The following TMBIM1 variants were observed in gnomAD, a reference collection of about 807,000 sequenced individuals.
TMBIM1 encodes transmembrane BAX inhibitor motif containing 1.
In TMBIM1, 34 loss-of-function variants were observed where a neutral mutation model predicts 45.1. The ratio of observed to expected loss-of-function variants is 0.75; its 90% confidence interval spans 0.57 to 1.00. The LOEUF (loss-of-function observed/expected upper bound fraction) is 1.00. Among genes scored for constraint, TMBIM1 ranks in the 50% least tolerant of loss-of-function variants. The pLI is 0.00. For synonymous variants in TMBIM1, 157 were observed against 153.5 expected (o/e 1.02, Z -0.17); for missense variants, 374 against 402.4 (o/e 0.93, Z 0.60).
In TMBIM1 at chr2:218,277,954, A is replaced by C; in HGVS notation, c.494T>G (p.Ile165Ser). 6.2e-7 allele frequency: 1 copy of C among 1,614,214 alleles called. No individual in the cohort carries two copies. Among genetic ancestry groups the C allele is most frequent in the South Asian group, 1.1e-5 (1 of 91,084 alleles). ...ACTTACAAAAAGGGTCAGCAGAATG[A>C]TGTTCCATGGGAAACGGCGTCTGAA... ...QGPRRRFPWNIILLTLFTFAM... is the reference protein window; with the variant it reads ...QGPRRRFPWNSILLTLFTFAM... Residue 165 changes from isoleucine (I) to serine (S), a missense_variant, in exon 7 of 12, where the codon ATC (isoleucine) becomes AGC (serine). Ile to Ser is a moderately radical substitution (Grantham distance 142, BLOSUM62 -2). Coordinates refer to ENST00000258412, the MANE Select transcript of TMBIM1 (RefSeq NM_022152.6).
At chr2:218,289,155 CGATA>C (rs975940802) in intron 1 of TMBIM1, among the ~76,000 whole-genome samples, 32 of 152,332 alleles carry the variant, frequency 2.1e-4, no homozygotes, top group Non-Finnish European at 3.5e-4. Flanking sequence ...AAGATCAAAA[CGATA>C]GATAGAAAGG....
intron 1 of TMBIM1, chr2:218,287,082 T>C (rs1225791834): frequency 6.6e-6 from 1 of 152,168 alleles, no homozygotes; most frequent in East Asian, 1.9e-4. Flanking sequence ...GGCCTGATTC[T>C]GCACCAAGGG....
chr2:218,282,187 A>G lies in TMBIM1; in HGVS notation c.-40-6T>C, dbSNP rs767210967. ...GGAACCCCAGCTGCTGGGACCTGAA[A>G]TGGGAGAGGAGAAAAGCAATCGTGA... On this transcript the variant is annotated splice_region_variant and splice_polypyrimidine_tract_variant and intron_variant, in intron 1 of 11. Transcript: ENST00000258412. The G allele has an allele frequency of 7.2e-7, 1 of 1,397,214 alleles. No homozygotes were observed. The highest frequency in any genetic ancestry group is 9.4e-7 in the Non-Finnish European group (1 of 1,058,940). 86.6% of individuals were successfully genotyped at this position (1,397,214 alleles called of 1,614,324 possible). A position where few individuals can be genotyped will look rare whatever the true frequency, so the allele number is the denominator to read the frequency against.
intron 1 of TMBIM1, among the ~76,000 whole-genome samples, chr2:218,283,159 C>T (rs1312002365): frequency 6.6e-6 from 1 of 152,088 alleles, no homozygotes; most frequent in Non-Finnish European, 1.5e-5. Flanking sequence ...AGCCCCATAG[C>T]CAGGGGAGGG....
Position 218,279,339 on chromosome 2 carries a change from G to A in TMBIM1, c.318C>T (p.Ile106=), listed in dbSNP as rs146260256. 4.9e-5 allele frequency: 77 copies of A among 1,585,624 alleles called. No individual in the cohort carries two copies. In the African/African-American group the frequency reaches 8.8e-4, roughly 18 times the overall value. Residue 106 remains isoleucine, a synonymous_variant, in exon 4 of 12, where the codon ATC becomes ATT. Transcript: ENST00000258412. ...CCACAGTGATGAGCAGCTGCACGGA[G>A]ATGATGGAGTAAACCTGGACACAGA... The part of the protein sequence containing the change: ...HTFIRKVYSI[I]SVQLLITVAI...
intron 1 of TMBIM1, 107 bp from the exon 2 acceptor site, chr2:218,282,288 C>A: frequency 1.6e-6 from 1 of 630,958 alleles, no homozygotes. Flanking sequence ...GAGAGGAACA[C>A]CACCTATTTT....
At chr2:218,276,210 C>G (rs1447902585) in intron 10 of TMBIM1, 131 bp from the exon 11 acceptor site, 3 of 926,004 alleles carry the variant, frequency 3.2e-6, no homozygotes, top group Non-Finnish European at 5.0e-6. Flanking sequence ...TGAAAGGCTA[C>G]TGCCTTTCCA....
rs1691100157 is a variant in TMBIM1, at chr2:218,275,521, A to G, written c.890T>C (p.Ile297Thr). The stretch of plus-strand genomic sequence containing the variant: ...CTGCAGCACAAAGGTGAAGATGTAG[A>G]TGATGTCTGTGTAAATCTGCAGGGC... Reference protein sequence around the residue: ...TGALQIYTDIIYIFTFVLQLM... With the variant: ...TGALQIYTDITYIFTFVLQLM... Residue 297 changes from isoleucine to threonine, a missense_variant, in exon 12 of 12, where the codon ATC (isoleucine) becomes ACC (threonine). Coordinates refer to ENST00000258412, the MANE Select transcript of TMBIM1 (RefSeq NM_022152.6). 1 of 1,614,156 alleles carries G rather than the reference A, an allele frequency of 6.2e-7. No homozygotes were observed. The highest frequency in any genetic ancestry group is 8.5e-7 in the Non-Finnish European group (1 of 1,180,014).
rs200815904 is a variant in TMBIM1 at position 218,276,012 on chromosome 2, G to A, written c.789+14C>T. ...CCCCTCAGCTCCCCTTCCTAGAGTGGGGCTGGGACTTACCAGGGTGAAACA... is the reference window on the plus strand; with the variant it reads ...CCCCTCAGCTCCCCTTCCTAGAGTGAGGCTGGGACTTACCAGGGTGAAACA... On this transcript the variant is annotated intron_variant, in intron 11 of 11. Coordinates refer to ENST00000258412, the MANE Select transcript of TMBIM1 (RefSeq NM_022152.6). 1.3e-4 allele frequency: 208 copies of A among 1,609,464 alleles called. No homozygotes were observed. Among genetic ancestry groups the A allele is most frequent in the Non-Finnish European group, 1.7e-4 (204 of 1,178,116 alleles).
Position 218,275,514 on chromosome 2 carries a change from G to A in TMBIM1, c.897C>T (p.Ile299=). The change falls in exon 12 of 12, where the codon ATC becomes ATT. Residue 299 remains isoleucine, a synonymous_variant. Transcript: ENST00000258412. ...ALQIYTDIIY[I]FTFVLQLMGD... ...CCATCAGCTGCAGCACAAAGGTGAAGATGTAGATGATGTCTGTGTAAATCT... is the reference window on the plus strand; with the variant it reads ...CCATCAGCTGCAGCACAAAGGTGAAAATGTAGATGATGTCTGTGTAAATCT... 6.2e-7 allele frequency: 1 copy of A among 1,614,160 alleles called. No homozygotes were observed. The highest frequency in any genetic ancestry group is 8.5e-7 in the Non-Finnish European group (1 of 1,180,006).
intron 1 of TMBIM1, among the ~76,000 whole-genome samples, chr2:218,290,910 T>G (rs1692889355): frequency 6.6e-6 from 1 of 152,222 alleles, no homozygotes; most frequent in Non-Finnish European, 1.5e-5. Context: ...TTAGCAGAAC[T>G]TCTTCCCAGA....
At chr2:218,283,080 A>G (rs1692200184) in intron 1 of TMBIM1, among the ~76,000 whole-genome samples, 1 of 152,136 alleles carries the variant, frequency 6.6e-6, no homozygotes, top group East Asian at 1.9e-4. Context: ...GTGCAGTGCT[A>G]GCAGGGAGGA....
At chr2:218,280,885 C>T (rs1327396339) in intron 2 of TMBIM1, 1 of 144,108 alleles carries the variant, frequency 6.9e-6, no homozygotes, top group African/African-American at 2.6e-5. Flanking sequence ...GATCTCGGCT[C>T]ACCGCAACCT....
At position 218,282,038 on chromosome 2, in the gene TMBIM1, C is replaced by T; in HGVS notation, c.104G>A (p.Gly35Glu). The part of the protein sequence containing the change: ...GYGQPSVLPG[G>E]YPAYPGYPQP... Reference sequence around the variant, plus strand: ...CGGGTAGCCAGGGTAGGCAGGATACCCTCCTGGCAGGACAGATGGCTGCCC... The same window carrying T: ...CGGGTAGCCAGGGTAGGCAGGATACTCTCCTGGCAGGACAGATGGCTGCCC... Residue 35 changes from glycine (G) to glutamate (E), a missense_variant, in exon 2 of 12, where the codon GGG becomes GAG. Physicochemically the swap from Gly to Glu is moderately conservative, Grantham distance 98. Coordinates refer to ENST00000258412, the MANE Select transcript of TMBIM1 (RefSeq NM_022152.6). The T allele has an allele frequency of 1.2e-6, 2 of 1,607,000 alleles. No individual in the cohort carries two copies. Among genetic ancestry groups the T allele is most frequent in the Non-Finnish European group, 1.7e-6 (2 of 1,177,758 alleles).
intron 10 of TMBIM1, 143 bp downstream of exon 10, chr2:218,276,861 C>T: frequency 2.4e-5 from 16 of 677,920 alleles, no homozygotes; most frequent in Non-Finnish European, 4.3e-5. Context: ...GCTGCCTCCA[C>T]GTTGGTGCCT....
chr2:218,275,863 A>G (rs940427310), intron 11 of TMBIM1, among the ~76,000 whole-genome samples, 163 bp downstream of exon 11: 1 of 152,218 alleles, frequency 6.6e-6, no homozygotes, highest in African/African-American at 2.4e-5. Flanking sequence ...AGAGATGGCA[A>G]GAGTGCCCAC....
At chr2:218,278,021 G>A (rs1691423212) in intron 6 of TMBIM1, 47 bp from the exon 7 acceptor site, 3 of 1,606,988 alleles carry the variant, frequency 1.9e-6, no homozygotes. Flanking sequence ...GGCCCCTCAG[G>A]CGTCAGAGGC....
At chr2:218,281,615 G>A (rs1346460319) in intron 2 of TMBIM1, among the ~76,000 whole-genome samples, 2 of 152,192 alleles carry the variant, frequency 1.3e-5, no homozygotes, top group Non-Finnish European at 2.9e-5. Context: ...CTTGTTGGCC[G>A]CTTGTTGGGA....
rs556834397 is a variant in TMBIM1 at position 218,280,079 on chromosome 2, A to G, written c.250T>C (p.Phe84Leu). 3 of 1,614,126 alleles carry G rather than the reference A, an allele frequency of 1.9e-6. No homozygotes were observed. In the Admixed American group the frequency reaches 5.0e-5, roughly 27 times the overall value. ...DGEERAVSDS[F>L]GPGEWDDRKV... is the part of the protein sequence containing the mutation. ...CGGTCATCCCACTCTCCAGGCCCGA[A>G]GCTATCACTCACTGCTCTCTCCTCC... Residue 84 changes from phenylalanine (F) to leucine (L), a missense_variant, in exon 3 of 12, where the codon TTC (phenylalanine) becomes CTC (leucine). Physicochemically the swap from Phe to Leu is conservative, Grantham distance 22. Coordinates refer to ENST00000258412, the MANE Select transcript of TMBIM1 (RefSeq NM_022152.6).
Sources: allele counts gnomAD v4.1 joint callset (sites outside exome capture counted in the v4.1 genomes callset), GRCh38; gene constraint gnomAD v4.1.1; transcripts MANE v1.5; gene names NCBI Gene and HGNC (gene_info 2026-07-23, HGNC 2026-07-21).